The following MSLN variants were observed in gnomAD, a reference collection of about 807,000 sequenced individuals.
The protein encoded by MSLN is mesothelin, also known as CAK1 antigen.
MSLN carries 82 observed loss-of-function variants against 72.6 expected under a neutral mutation model. That is an observed-to-expected ratio of 1.13 (90% confidence interval 0.94 to 1.36). The LOEUF (loss-of-function observed/expected upper bound fraction) is 1.36. MSLN is among the 40% of genes most tolerant of loss of function. The pLI is 0.00. For synonymous variants in MSLN, 456 were observed against 387.3 expected (o/e 1.18, Z -2.08); for missense variants, 1,005 against 847.9 (o/e 1.19, Z -2.30).
At position 768,537 on chromosome 16, in the gene MSLN, C is replaced by T. The variant is rs2041673377; in HGVS notation, c.1755C>T (p.Gly585=). 1.2e-6 allele frequency: 2 copies of T among 1,602,402 alleles called. No homozygotes were observed. The highest frequency in any genetic ancestry group is 1.7e-6 in the Non-Finnish European group (2 of 1,174,094). Residue 585 remains glycine (G), a synonymous_variant, in exon 17 of 18, where the codon GGC becomes GGT. Transcript: ENST00000545450. ...GGCTACAGGGCGGCATCCCCAACGG[C>T]TACCTGGTCCTAGACCTCAGCATGC... The part of the protein sequence containing the change: ...GLGLQGGIPN[G]YLVLDLSMQE...
At chr16:761,316 C>T (rs2041533880) in intron 2 of MSLN, 142 bp downstream of exon 2, 1 of 152,370 alleles carries the variant, frequency 6.6e-6, no homozygotes, top group South Asian at 2.1e-4. Context: ...TTTCACCCCG[C>T]AGGGCACACG....
chr16:764,665 C>T lies in MSLN; in HGVS notation c.319C>T (p.Arg107Trp), dbSNP rs757594792. Reference protein sequence around the residue: ...STEQLRCLAHRLSEPPEDLDA... With the variant: ...STEQLRCLAHWLSEPPEDLDA... The stretch of plus-strand genomic sequence containing the variant: ...CCTGCAGCTGCGCTGTCTGGCTCAC[C>T]GGCTCTCTGAGCCCCCCGAGGACCT... The change falls in exon 7 of 18, where the codon CGG (arginine) becomes TGG (tryptophan). Residue 107 changes from arginine (R) to tryptophan (W), a missense_variant. Arg to Trp is a moderately radical substitution (Grantham distance 101, BLOSUM62 -3). Coordinates refer to ENST00000545450, the MANE Select transcript of MSLN (RefSeq NM_005823.6). The T allele has an allele frequency of 2.7e-5, 44 of 1,612,248 alleles. No individual in the cohort carries two copies. The highest frequency in any genetic ancestry group is 1.3e-4 in the East Asian group (6 of 44,884).
intron 10 of MSLN, 34 bp from the exon 11 acceptor site, chr16:765,657 C>T (rs377304623): frequency 1.3e-6 from 2 of 1,598,638 alleles, no homozygotes; most frequent in Non-Finnish European, 1.7e-6. Flanking sequence ...TGCCCGGCCA[C>T]CCGAGGCTCA....
At position 768,646 on chromosome 16, in the gene MSLN, A is replaced by G; in HGVS notation, c.1784-2A>G. The G allele has an allele frequency of 6.2e-7, 1 of 1,610,720 alleles. No individual in the cohort carries two copies. Among genetic ancestry groups the G allele is most frequent in the African/African-American group, 1.3e-5 (1 of 74,668 alleles). On this transcript the variant is annotated splice_acceptor_variant, in intron 17 of 17. Coordinates refer to ENST00000545450, the MANE Select transcript of MSLN (RefSeq NM_005823.6). LOFTEE classifies it high-confidence loss of function. ...CGCTCTGAGTCACCCCTCTCTCTGT[A>G]GAGGCCCTCTCGGGGACGCCCTGCC...
Position 765,288 on chromosome 16 carries a change from G to T in MSLN, c.689G>T (p.Gly230Val). The T allele has an allele frequency of 6.3e-7, 1 of 1,579,222 alleles. No homozygotes were observed. Among genetic ancestry groups the T allele is most frequent in the East Asian group, 2.3e-5 (1 of 44,108 alleles). Residue 230 changes from glycine to valine, a missense_variant, in exon 9 of 18, where the codon GGG (glycine) becomes GTG (valine). Physicochemically the swap from Gly to Val is moderately radical, Grantham distance 109 (BLOSUM62 -3). Coordinates refer to ENST00000545450, the MANE Select transcript of MSLN (RefSeq NM_005823.6). Reference sequence around the variant, plus strand: ...GCAGCCAGGGCGGCTCTGCAGGGCGGGGGACCCCCCTACGGGTAAGTGAAG... The same window carrying T: ...GCAGCCAGGGCGGCTCTGCAGGGCGTGGGACCCCCCTACGGGTAAGTGAAG... ...QEAARAALQG[G>V]GPPYGPPSTW...
intron 5 of MSLN, 114 bp from the exon 6 acceptor site, chr16:763,909 G>T: frequency 2.1e-6 from 3 of 1,460,896 alleles, no homozygotes; most frequent in Non-Finnish European, 2.8e-6. Context: ...GGGGAGGTCT[G>T]CAGGGAGCAC....
rs1329223030 is a variant in MSLN at position 766,281 on chromosome 16, C to T, written c.1074+44C>T. 3.1e-6 allele frequency: 5 copies of T among 1,609,746 alleles called. No homozygotes were observed. The Admixed American group carries it at 8.3e-5, about 27-fold the overall frequency. On this transcript the variant is annotated intron_variant, in intron 12 of 17. Transcript: ENST00000545450. ...TCCCACCGGCCTGCTGTGTCCAAGC[C>T]ATCCCCAGCCCCTCTGGGAGTGACA...
chr16:764,948 T>A lies in MSLN; in HGVS notation c.422T>A (p.Phe141Tyr), dbSNP rs759381467. ...GGGCCCCAGGCCTGCACCCGTTTCTTCTCCCGCATCACGAAGGCCAATGTG... is the reference window on the plus strand; with the variant it reads ...GGGCCCCAGGCCTGCACCCGTTTCTACTCCCGCATCACGAAGGCCAATGTG... ...FSGPQACTRF[F>Y]SRITKANVDL... is the part of the protein sequence containing the mutation. Residue 141 changes from phenylalanine (F) to tyrosine (Y), a missense_variant, in exon 8 of 18, where the codon TTC (phenylalanine) becomes TAC (tyrosine). By Grantham distance (22) the Phe-to-Tyr change is conservative (BLOSUM62 3). Transcript: ENST00000545450. 3.7e-6 allele frequency: 6 copies of A among 1,612,244 alleles called. No individual in the cohort carries two copies. In the African/African-American group the frequency reaches 6.7e-5, roughly 18 times the overall value.
rs199864844 is a variant in MSLN, at chr16:766,505, C to G, written c.1230+15C>G. 1 of 1,612,244 alleles carries G rather than the reference C, an allele frequency of 6.2e-7. No homozygotes were observed. Among genetic ancestry groups the G allele is most frequent in the South Asian group, 1.1e-5 (1 of 91,048 alleles). Reference sequence around the variant, plus strand: ...TGAGTCCTCAGGTGACCGTCCGGCTCGGGGGTCATGTGGCATGAGATTGGG... The same window carrying G: ...TGAGTCCTCAGGTGACCGTCCGGCTGGGGGGTCATGTGGCATGAGATTGGG... On this transcript the variant is annotated intron_variant, in intron 13 of 17. Coordinates refer to ENST00000545450, the MANE Select transcript of MSLN (RefSeq NM_005823.6).
At chr16:764,620 T>G (rs773874806) in intron 6 of MSLN, 27 bp from the exon 7 acceptor site, 1 of 1,605,320 alleles carries the variant, frequency 6.2e-7, no homozygotes, top group Non-Finnish European at 8.5e-7. Context: ...CTCGAAACGC[T>G]CTGTGCTGGA....
At position 764,818 on chromosome 16, in the gene MSLN, A is replaced by G. The variant is rs2041582872; in HGVS notation, c.381-89A>G. 7 of 1,583,562 alleles carry G rather than the reference A, an allele frequency of 4.4e-6. No homozygotes were observed. In the Admixed American group the frequency reaches 1.2e-4, roughly 28 times the overall value. ...CCCCTTGCCTCGGATCCCAGGCCAC[A>G]GCAGAGATGTGGAGGCCGGCCGGGC... On this transcript the variant is annotated intron_variant, in intron 7 of 17. Transcript: ENST00000545450.
In MSLN at chr16:765,895, C is replaced by A; in HGVS notation, c.895+105C>A. 39 of 1,342,468 alleles carry A rather than the reference C, an allele frequency of 2.9e-5. No homozygotes were observed. The South Asian group carries it at 4.8e-4, about 17-fold the overall frequency. 83.2% of individuals were successfully genotyped at this position (1,342,468 alleles called of 1,614,324 possible). Reference sequence around the variant, plus strand: ...GCCCCTCCCTGGCTCTGCAGCACATCCCATTATAATCACAGAGAGTGGACA... The same window carrying A: ...GCCCCTCCCTGGCTCTGCAGCACATACCATTATAATCACAGAGAGTGGACA... On this transcript the variant is annotated intron_variant, in intron 11 of 17. Transcript: ENST00000545450.
intron 1 of MSLN, 54 bp from the exon 2 acceptor site, chr16:761,019 G>A (rs2041529675): frequency 1.3e-5 from 2 of 152,264 alleles, no homozygotes; most frequent in African/African-American, 4.8e-5. Context: ...CCCACGTGTG[G>A]GCATTGGCCC....
chr16:768,028 A>AG (rs1191911782), intron 16 of MSLN, among the ~76,000 whole-genome samples: 1 of 26,034 alleles, frequency 3.8e-5, no homozygotes, highest in East Asian at 1.3e-3. Flanking sequence ...GGGGGTGTGG[A>AG]GGGGGGCGCG....
intron 2 of MSLN, chr16:762,405 A>G (rs980352879): frequency 3.7e-5 from 18 of 487,180 alleles, no homozygotes; most frequent in Middle Eastern, 5.4e-4. Context: ...CCCTTCTGGG[A>G]GAGGGGTGGG....
In MSLN at chr16:763,630, C is replaced by G. The variant is rs751487664; in HGVS notation, c.130-12C>G. On this transcript the variant is annotated splice_polypyrimidine_tract_variant and intron_variant, in intron 4 of 17. Coordinates refer to ENST00000545450, the MANE Select transcript of MSLN (RefSeq NM_005823.6). ...TGGTCTGAGCCATGTTCAGCAGGCCCTGTGTCCCCAGGAGGCTGCGCCCCT... is the reference window on the plus strand; with the variant it reads ...TGGTCTGAGCCATGTTCAGCAGGCCGTGTGTCCCCAGGAGGCTGCGCCCCT... 2 of 1,596,628 alleles carry G rather than the reference C, an allele frequency of 1.3e-6. No homozygotes were observed. The highest frequency in any genetic ancestry group is 2.2e-5 in the South Asian group (2 of 90,094).
At position 766,482 on chromosome 16, in the gene MSLN, A is replaced by G. The variant is rs1484868777; in HGVS notation, c.1222A>G (p.Ser408Gly). The change falls in exon 13 of 18, where the codon AGT becomes GGT. Residue 408 changes from serine to glycine, a missense_variant. Ser to Gly is a moderately conservative substitution (Grantham distance 56). Transcript: ENST00000545450. ...TGAAGTCAACAAAGGGCACGAAATGAGTCCTCAGGTGACCGTCCGGCTCGG... is the reference window on the plus strand; with the variant it reads ...TGAAGTCAACAAAGGGCACGAAATGGGTCCTCAGGTGACCGTCCGGCTCGG... ...LLEVNKGHEMSPQVATLIDRF... is the reference protein window; with the variant it reads ...LLEVNKGHEMGPQVATLIDRF... 14 of 1,612,428 alleles carry G rather than the reference A, an allele frequency of 8.7e-6. No individual in the cohort carries two copies. The highest frequency in any genetic ancestry group is 1.2e-5 in the Non-Finnish European group (14 of 1,179,898).
In MSLN at chr16:766,174, C is replaced by T; in HGVS notation, c.1011C>T (p.Asp337=). The change falls in exon 12 of 18, where the codon GAC becomes GAT. Residue 337 remains aspartate (D), a synonymous_variant. Coordinates refer to ENST00000545450, the MANE Select transcript of MSLN (RefSeq NM_005823.6). ...CGGCCCTGCTGGCCACCCAGATGGA[C>T]CGCGTGAACGCCATCCCCTTCACCT... ...VDAALLATQM[D]RVNAIPFTYE... 1 of 1,612,716 alleles carries T rather than the reference C, an allele frequency of 6.2e-7. No homozygotes were observed. The highest frequency in any genetic ancestry group is 8.5e-7 in the Non-Finnish European group (1 of 1,179,888).
rs1222693488 is a variant in MSLN at position 765,438 on chromosome 16, C to T, written c.705-89C>T. 2.1e-6 allele frequency: 3 copies of T among 1,429,814 alleles called. No individual in the cohort carries two copies. In the African/African-American group the frequency reaches 4.2e-5, roughly 20 times the overall value. 88.6% of individuals were successfully genotyped at this position (1,429,814 alleles called of 1,614,324 possible). On this transcript the variant is annotated intron_variant, in intron 9 of 17. Coordinates refer to ENST00000545450, the MANE Select transcript of MSLN (RefSeq NM_005823.6). ...CACCCCTGCCAATGCCCCCAGCGTC[C>T]CCTCCACAGCCAGGGGGTACGGCCT...
Sources: allele counts gnomAD v4.1 joint callset (sites outside exome capture counted in the v4.1 genomes callset), GRCh38; gene constraint gnomAD v4.1.1; transcripts MANE v1.5; gene names NCBI Gene and HGNC (gene_info 2026-07-23, HGNC 2026-07-21).